The following MROH7 variants were observed in gnomAD, a reference collection of about 807,000 sequenced individuals.
MROH7 encodes maestro heat-like repeat-containing protein family member 7.
In MROH7, 113 loss-of-function variants were observed where a neutral mutation model predicts 129.2. That is an observed-to-expected ratio of 0.87 (90% CI 0.75 to 1.02). The LOEUF (loss-of-function observed/expected upper bound fraction) is 1.02, where lower values mean the gene tolerates loss of function less well. MROH7 is among the 50% of genes least tolerant of loss of function. MROH7 has a pLI of 0.00. For synonymous variants in MROH7, 655 were observed against 667.9 expected, an observed-to-expected ratio of 0.98 and a Z score of 0.30; for missense variants, 1,601 against 1,671.3, an observed-to-expected ratio of 0.96 and a Z score of 0.73.
intron 1 of MROH7, among the ~76,000 whole-genome samples, chr1:54,649,184 C>G (rs968129621): frequency 1.3e-5 from 2 of 152,206 alleles, no homozygotes; most frequent in Non-Finnish European, 2.9e-5. Context: ...CCCTTGAAGG[C>G]TCTAGCAACC....
chr1:54,702,344 G>C, intron 20 of MROH7, 99 bp downstream of exon 20: 1 of 1,120,078 alleles, frequency 8.9e-7, no homozygotes, highest in Non-Finnish European at 1.2e-6. Flanking sequence ...ACAATCCTGG[G>C]GGCAGTTATG....
chr1:54,694,434 G>A (rs1452726878), intron 16 of MROH7, among the ~76,000 whole-genome samples: 2 of 152,152 alleles, frequency 1.3e-5, no homozygotes, highest in African/African-American at 2.4e-5. Context: ...GCTGTGCCCC[G>A]TACCCTAAGA....
chr1:54,681,480 T>A (rs1292640969), intron 13 of MROH7, among the ~76,000 whole-genome samples: 1 of 152,170 alleles, frequency 6.6e-6, no homozygotes, highest in Non-Finnish European at 1.5e-5. Flanking sequence ...TTATAGTTCC[T>A]CCCTGTCCAG....
intron 1 of MROH7, among the ~76,000 whole-genome samples, chr1:54,645,843 G>A (rs2101051553): frequency 6.6e-6 from 1 of 151,504 alleles, no homozygotes; most frequent in African/African-American, 2.4e-5. Flanking sequence ...TGTAGGGATG[G>A]GATTTTGCTA....
intron 8 of MROH7, 92 bp from the exon 9 acceptor site, chr1:54,673,609 C>G: frequency 1.1e-6 from 1 of 905,936 alleles, no homozygotes; most frequent in Non-Finnish European, 1.8e-6. Flanking sequence ...TCTCTGGAAG[C>G]TTCCTGCTGA....
chr1:54,679,425 A>G lies in MROH7; in HGVS notation c.2212A>G (p.Arg738Gly), dbSNP rs1325004231. ...LSSVLEWYRHRALEVIPEIMQ... is the reference protein window; with the variant it reads ...LSSVLEWYRHGALEVIPEIMQ... ...CTCGGTGCTGGAGTGGTACCGCCAC[A>G]GGGCGCTGGAGGTGGTAAGGCCTCC... is the stretch of plus-strand genomic sequence containing the variant. Residue 738 changes from arginine to glycine, a missense_variant, in exon 12 of 24, where the codon AGG becomes GGG. Arg to Gly is a moderately radical substitution (Grantham distance 125). Transcript: ENST00000421030. 2 of 1,612,714 alleles carry G rather than the reference A, an allele frequency of 1.2e-6. No homozygotes were observed. Among genetic ancestry groups the G allele is most frequent in the Middle Eastern group, 1.7e-4 (1 of 5,916 alleles).
At chr1:54,656,228 T>C (rs1557693880) in intron 3 of MROH7, among the ~76,000 whole-genome samples, 1 of 150,978 alleles carries the variant, frequency 6.6e-6, no homozygotes, top group South Asian at 2.1e-4. Context: ...AGTTTTTTTT[T>C]CGGCTGAGTG....
In MROH7 at chr1:54,679,392, A is replaced by C; in HGVS notation, c.2179A>C (p.Met727Leu). 1.2e-6 allele frequency: 2 copies of C among 1,614,096 alleles called. No individual in the cohort carries two copies. Among genetic ancestry groups the C allele is most frequent in the Non-Finnish European group, 1.7e-6 (2 of 1,180,016 alleles). The change falls in exon 12 of 24, where the codon ATG (methionine) becomes CTG (leucine). Residue 727 changes from methionine to leucine, a missense_variant. By Grantham distance (15) the Met-to-Leu change is conservative. Transcript: ENST00000421030. ...GATGATGCAGCTGGCCTCGGAGGTC[A>C]TGCTCAGCTCGGTGCTGGAGTGGTA... ...REMMQLASEV[M>L]LSSVLEWYRH...
chr1:54,669,073 T>C lies in MROH7; in HGVS notation c.1389+136T>C, dbSNP rs1644856319. 5 of 646,738 alleles carry C rather than the reference T, an allele frequency of 7.7e-6. No individual in the cohort carries two copies. The East Asian group carries it at 1.4e-4, about 18-fold the overall frequency. The allele number at this position is 646,738 out of a possible 1,614,324, so 40.1% of individuals were successfully genotyped here. On this transcript the variant is annotated intron_variant, in intron 5 of 23. Transcript: ENST00000421030. ...GGATGAGGAGGCAGGACATCGGGAATTGAGTCTCAGCTCCACCTCGAACTG... is the reference window on the plus strand; with the variant it reads ...GGATGAGGAGGCAGGACATCGGGAACTGAGTCTCAGCTCCACCTCGAACTG...
chr1:54,705,186 C>T (rs1022770739), intron 21 of MROH7, among the ~76,000 whole-genome samples: 1 of 152,214 alleles, frequency 6.6e-6, no homozygotes, highest in African/African-American at 2.4e-5. Flanking sequence ...CTACATTAGA[C>T]CCCTCTGGGT....
chr1:54,646,383 G>T (rs1226190192), intron 1 of MROH7, among the ~76,000 whole-genome samples: 1 of 152,170 alleles, frequency 6.6e-6, no homozygotes, highest in East Asian at 1.9e-4. Context: ...TTGAGTGTGT[G>T]TTTATGCTGT....
At chr1:54,666,425 ATTTTTTTTTT>A (rs71048704) in intron 4 of MROH7, among the ~76,000 whole-genome samples, 5 of 69,236 alleles carry the variant, frequency 7.2e-5, no homozygotes, top group African/African-American at 1.0e-4. Context: ...GAGAAGAGGA[ATTTTTTTTTT>A]TTTTTTTTTT....
At chr1:54,672,175 G>A (rs1295214906) in intron 7 of MROH7, among the ~76,000 whole-genome samples, 2 of 151,994 alleles carry the variant, frequency 1.3e-5, no homozygotes, top group Non-Finnish European at 2.9e-5. Context: ...GAAAAAAGGA[G>A]GCCGCCCTCT....
At chr1:54,684,735 A>G (rs1165447693) in intron 14 of MROH7, among the ~76,000 whole-genome samples, 1 of 152,170 alleles carries the variant, frequency 6.6e-6, no homozygotes, top group Non-Finnish European at 1.5e-5. Flanking sequence ...CTGCCTCACT[A>G]TATAACCGTG....
At position 54,673,109 on chromosome 1, in the gene MROH7, C is replaced by G. The variant is rs751520019; in HGVS notation, c.1618C>G (p.Leu540Val). 1.3e-5 allele frequency: 21 copies of G among 1,613,702 alleles called. No individual in the cohort carries two copies. The South Asian group carries it at 2.3e-4, about 18-fold the overall frequency. ...TCCACAGGCTCTTTACCATCAGACC[C>G]TGGAGGCCCTGCAGACACTGCTCAA... Reference protein sequence around the residue: ...ETIQALYHQTLEALQTLLKAL... With the variant: ...ETIQALYHQTVEALQTLLKAL... The change falls in exon 8 of 24, where the codon CTG (leucine) becomes GTG (valine). Residue 540 changes from leucine (L) to valine (V), a missense_variant. Physicochemically the swap from Leu to Val is conservative, Grantham distance 32. Transcript: ENST00000421030.
At chr1:54,694,370 C>T (rs899286121) in intron 16 of MROH7, among the ~76,000 whole-genome samples, 3 of 152,192 alleles carry the variant, frequency 2.0e-5, no homozygotes, top group Admixed American at 6.5e-5. Flanking sequence ...TGCAGTGCTC[C>T]TCAGACTTGA....
intron 10 of MROH7, among the ~76,000 whole-genome samples, chr1:54,677,282 C>T (rs1644997558): frequency 6.6e-6 from 1 of 152,158 alleles, no homozygotes; most frequent in African/African-American, 2.4e-5. Flanking sequence ...GCCTATAGTC[C>T]CCACTACTTG....
intron 3 of MROH7, among the ~76,000 whole-genome samples, chr1:54,664,750 C>T (rs1644784941): frequency 6.6e-6 from 1 of 152,032 alleles, no homozygotes; most frequent in Admixed American, 6.5e-5. Context: ...CAGTGGCTCA[C>T]ACTTGTAATC....
chr1:54,672,521 G>A (rs904422791), intron 7 of MROH7, among the ~76,000 whole-genome samples: 3 of 152,140 alleles, frequency 2.0e-5, no homozygotes, highest in African/African-American at 7.2e-5. Flanking sequence ...ACCTAGGCAG[G>A]AGAGAGATGG....
Sources: allele counts gnomAD v4.1 joint callset (sites outside exome capture counted in the v4.1 genomes callset), GRCh38; gene constraint gnomAD v4.1.1; transcripts MANE v1.5; gene names NCBI Gene and HGNC (gene_info 2026-07-23, HGNC 2026-07-21).